The following ADGRB3 variants were observed in gnomAD, a reference collection of about 807,000 sequenced individuals.
ADGRB3 encodes brain-specific angiogenesis inhibitor 3.
In ADGRB3, 37 loss-of-function variants were observed where a neutral mutation model predicts 193.4. That is an observed-to-expected ratio of 0.19 (90% CI 0.15 to 0.25). ADGRB3 has a LOEUF of 0.25. Ranked by LOEUF, ADGRB3 falls within the 10% of genes least tolerant of loss-of-function variation. ADGRB3 has a pLI of 1.00. For missense variants in ADGRB3, 1,637 were observed against 1,852.9 expected (o/e 0.88, Z 2.14); for synonymous variants, 690 against 644.2 (o/e 1.07, Z -1.08).
chr6:69,031,519 C>CTCTTTCTTTCTTTCTT lies in ADGRB3; in HGVS notation c.2107+13038_2107+13053dup, dbSNP rs201301230. On this transcript the variant is annotated intron_variant, in intron 13 of 31. Coordinates refer to ENST00000370598, the MANE Select transcript of ADGRB3 (RefSeq NM_001704.3). Reference sequence around the variant, plus strand: ...CACAAACATTTTGAATTTGAGTTGTCTCTTTCTTTCTTTCTTTCTTTCTTT... The same window carrying CTCTTTCTTTCTTTCTT: ...CACAAACATTTTGAATTTGAGTTGTCTCTTTCTTTCTTTCTTTCTTTCTTTCTTTCTTTCTTTCTTT... Among the ~76,000 whole-genome samples, 72 of 21,268 alleles carry CTCTTTCTTTCTTTCTT rather than the reference C, an allele frequency of 3.4e-3. 7 individuals carry two copies. Among genetic ancestry groups the CTCTTTCTTTCTTTCTT allele is most frequent in the African/African-American group, 6.0e-3 (51 of 8,430 alleles). The allele number at this position is 21,268 out of a possible 152,430, so 14.0% of individuals were successfully genotyped here.
At chr6:69,180,273 G>C (rs935069070) in intron 17 of ADGRB3, among the ~76,000 whole-genome samples, 18 of 152,126 alleles carry the variant, frequency 1.2e-4, no homozygotes, top group African/African-American at 3.9e-4. Context: ...CAGACTATCA[G>C]TTTGGGCAAA....
chr6:69,041,161 G>C (rs146406766), intron 13 of ADGRB3, among the ~76,000 whole-genome samples: 64 of 152,206 alleles, frequency 4.2e-4, no homozygotes, highest in Middle Eastern at 6.8e-3. Flanking sequence ...CTTTTTCTCT[G>C]TCCTGAACAT....
chr6:69,118,596 G>C (rs1298687478), intron 17 of ADGRB3, among the ~76,000 whole-genome samples: 5 of 151,574 alleles, frequency 3.3e-5, no homozygotes, highest in Non-Finnish European at 7.4e-5. Context: ...AGGGTCTCTG[G>C]GACATATCAC....
At chr6:69,165,917 TAAG>T (rs1775121921) in intron 17 of ADGRB3, among the ~76,000 whole-genome samples, 2 of 152,210 alleles carry the variant, frequency 1.3e-5, no homozygotes, top group African/African-American at 4.8e-5. Context: ...TCTTCTGAGT[TAAG>T]AACTTTATCT....
chr6:69,387,819 G>A (rs1176851626), intron 31 of ADGRB3, among the ~76,000 whole-genome samples: 3 of 152,036 alleles, frequency 2.0e-5, no homozygotes, highest in African/African-American at 4.8e-5. Flanking sequence ...TGTTCACTTG[G>A]TAATTGATTA....
At chr6:69,203,281 CATT>C (rs1765470299) in intron 17 of ADGRB3, among the ~76,000 whole-genome samples, 1 of 152,106 alleles carries the variant, frequency 6.6e-6, no homozygotes, top group Non-Finnish European at 1.5e-5. Flanking sequence ...TTATCATTAT[CATT>C]GAGTAAGCTT....
chr6:68,883,625 A>G (rs1000599968), intron 3 of ADGRB3, among the ~76,000 whole-genome samples: 11 of 152,050 alleles, frequency 7.2e-5, no homozygotes, highest in Admixed American at 7.2e-4. Context: ...CTCCAGAGGC[A>G]CTGCCTTAAA....
chr6:68,936,132 G>C (rs922059212), intron 4 of ADGRB3, among the ~76,000 whole-genome samples: 1 of 152,058 alleles, frequency 6.6e-6, no homozygotes, highest in East Asian at 1.9e-4. Context: ...TATTCCTGCC[G>C]CCAAAGCCAT....
At chr6:69,331,671 A>G (rs1768733875) in intron 23 of ADGRB3, 1 of 985,292 alleles carries the variant, frequency 1.0e-6, no homozygotes, top group Non-Finnish European at 1.2e-6. Context: ...GCTGCTTTGA[A>G]TTTTTATTTA....
At chr6:69,271,677 ATC>A (rs928046808) in intron 20 of ADGRB3, among the ~76,000 whole-genome samples, 11 of 152,096 alleles carry the variant, frequency 7.2e-5, no homozygotes, top group African/African-American at 2.7e-4. Flanking sequence ...CATACTTAGT[ATC>A]TCTCTCTTTG....
intron 20 of ADGRB3, among the ~76,000 whole-genome samples, chr6:69,258,463 A>G (rs1457101660): frequency 6.6e-6 from 1 of 152,242 alleles, no homozygotes; most frequent in Non-Finnish European, 1.5e-5. Flanking sequence ...TGTACTGATT[A>G]TAAAAACACT....
rs753359637 is a variant in ADGRB3, at chr6:69,239,119, G to A, written c.2712-5G>A. ...AAGTTGGGTAACTTTTCTCTCTCTGGCTAGGTACATACGCTCTGAGAGATC... is the reference window on the plus strand; with the variant it reads ...AAGTTGGGTAACTTTTCTCTCTCTGACTAGGTACATACGCTCTGAGAGATC... On this transcript the variant is annotated splice_polypyrimidine_tract_variant and splice_region_variant and intron_variant, in intron 19 of 31. Coordinates refer to ENST00000370598, the MANE Select transcript of ADGRB3 (RefSeq NM_001704.3). 2 of 1,547,986 alleles carry A rather than the reference G, an allele frequency of 1.3e-6. No homozygotes were observed. Among genetic ancestry groups the A allele is most frequent in the Non-Finnish European group, 1.8e-6 (2 of 1,126,290 alleles).
At chr6:68,867,311 G>T (rs990263202) in intron 3 of ADGRB3, among the ~76,000 whole-genome samples, 2 of 152,340 alleles carry the variant, frequency 1.3e-5, no homozygotes, top group East Asian at 1.9e-4. Context: ...GGCTTCAGGG[G>T]GTTCCAGCCC....
chr6:68,820,227 C>G (rs2127379857), intron 3 of ADGRB3, among the ~76,000 whole-genome samples: 1 of 152,072 alleles, frequency 6.6e-6, no homozygotes, highest in Middle Eastern at 3.4e-3. Context: ...ACAAAACTCT[C>G]CTTCCACTGT....
At position 68,733,165 on chromosome 6, in the gene ADGRB3, T is replaced by A. The variant is rs375125832; in HGVS notation, c.757+93733T>A. Reference sequence around the variant, plus strand: ...GAAGTCAGTTTCCCAAAAAGACATCTGTATTTGTATATTTATTACAGCCTA... The same window carrying A: ...GAAGTCAGTTTCCCAAAAAGACATCAGTATTTGTATATTTATTACAGCCTA... On this transcript the variant is annotated intron_variant, in intron 3 of 31. Coordinates refer to ENST00000370598, the MANE Select transcript of ADGRB3 (RefSeq NM_001704.3). Among the ~76,000 whole-genome samples, 16 of 151,282 alleles carry A rather than the reference T, an allele frequency of 1.1e-4. No individual in the cohort carries two copies. In the East Asian group the frequency reaches 3.1e-3, roughly 30 times the overall value.
At chr6:69,199,517 G>T (rs1172526235) in intron 17 of ADGRB3, among the ~76,000 whole-genome samples, 3 of 151,960 alleles carry the variant, frequency 2.0e-5, no homozygotes, top group Admixed American at 6.6e-5. Flanking sequence ...TTATAACTAA[G>T]AAAAAATGTA....
At chr6:69,089,315 G>C (rs1562154372) in intron 17 of ADGRB3, among the ~76,000 whole-genome samples, 1 of 152,066 alleles carries the variant, frequency 6.6e-6, no homozygotes, top group Non-Finnish European at 1.5e-5. Context: ...TTGAACACAG[G>C]CATAATTATT....
intron 3 of ADGRB3, among the ~76,000 whole-genome samples, chr6:68,658,566 T>C (rs1341903289): frequency 1.3e-5 from 2 of 151,272 alleles, no homozygotes; most frequent in Non-Finnish European, 3.0e-5. Flanking sequence ...CTCCAAGTGA[T>C]AAAAAATGGA....
At chr6:68,821,986 A>G (rs918919359) in intron 3 of ADGRB3, among the ~76,000 whole-genome samples, 1 of 151,964 alleles carries the variant, frequency 6.6e-6, no homozygotes, top group African/African-American at 2.4e-5. Flanking sequence ...TTACGTAAGA[A>G]GAACCTGAAG....
Sources: allele counts gnomAD v4.1 joint callset (sites outside exome capture counted in the v4.1 genomes callset), GRCh38; gene constraint gnomAD v4.1.1; transcripts MANE v1.5; gene names NCBI Gene and HGNC (gene_info 2026-07-23, HGNC 2026-07-21).